The following STPG4 variants were observed in gnomAD, a reference collection of about 807,000 sequenced individuals.
STPG4 encodes protein STPG4.
A neutral mutation model predicts 31.5 loss-of-function variants in STPG4; 41 were observed. That is an observed-to-expected ratio of 1.30 (90% CI 1.01 to 1.69). The LOEUF (loss-of-function observed/expected upper bound fraction) is 1.69. Among genes scored for constraint, STPG4 ranks in the 40% most tolerant of loss-of-function variants. The probability of loss-of-function intolerance (pLI) is 0.00; values close to 1 mark genes in which losing one functional copy is unlikely to be tolerated. For synonymous variants in STPG4, 141 were observed against 103.0 expected (o/e 1.37, Z -2.24); for missense variants, 375 against 293.4 (o/e 1.28, Z -2.03).
chr2:47,106,242 A>G (rs1685907431), intron 5 of STPG4, among the ~76,000 whole-genome samples: 1 of 151,964 alleles, frequency 6.6e-6, no homozygotes, highest in African/African-American at 2.4e-5. Flanking sequence ...TATGTGGAAC[A>G]TTGACCTATA....
At chr2:47,120,345 AAAAC>A (rs1338980474) in intron 5 of STPG4, among the ~76,000 whole-genome samples, 3 of 152,154 alleles carry the variant, frequency 2.0e-5, no homozygotes, top group Admixed American at 6.5e-5. Flanking sequence ...ACAAAAACAA[AAAAC>A]AAACAAACTG....
chr2:47,154,026 C>T (rs530251101), intron 1 of STPG4, among the ~76,000 whole-genome samples: 1 of 152,174 alleles, frequency 6.6e-6, no homozygotes, highest in East Asian at 1.9e-4. Context: ...TGCTGTTTGT[C>T]CTAGATAAAA....
intron 5 of STPG4, among the ~76,000 whole-genome samples, chr2:47,099,656 C>T (rs112103714): frequency 2.6e-4 from 40 of 152,278 alleles, no homozygotes; most frequent in Admixed American, 3.9e-4. Flanking sequence ...TTCAGCCCAC[C>T]GCTGCACTGT....
chr2:47,100,575 C>A (rs540018629), intron 5 of STPG4, among the ~76,000 whole-genome samples: 4 of 150,620 alleles, frequency 2.7e-5, no homozygotes, highest in African/African-American at 9.8e-5. Flanking sequence ...GCAACCCACT[C>A]GAGTCCCCTT....
intron 5 of STPG4, among the ~76,000 whole-genome samples, chr2:47,097,357 G>A (rs1685694324): frequency 6.6e-6 from 1 of 152,114 alleles, no homozygotes; most frequent in South Asian, 2.1e-4. Context: ...AAGAATCTCT[G>A]TGCTCTGCTA....
chr2:47,099,783 G>T (rs1205773494), intron 5 of STPG4, among the ~76,000 whole-genome samples: 1 of 152,260 alleles, frequency 6.6e-6, no homozygotes, highest in Admixed American at 6.5e-5. Context: ...CGGGCCAGCT[G>T]GAGTTCCGGG....
At chr2:47,102,323 G>A (rs1421227899) in intron 5 of STPG4, among the ~76,000 whole-genome samples, 1 of 151,798 alleles carries the variant, frequency 6.6e-6, no homozygotes, top group Non-Finnish European at 1.5e-5. Context: ...GCATCAACAG[G>A]CCCACCCTTG....
At chr2:47,132,878 C>T (rs1472188816) in intron 3 of STPG4, among the ~76,000 whole-genome samples, 1 of 152,064 alleles carries the variant, frequency 6.6e-6, no homozygotes, top group Non-Finnish European at 1.5e-5. Flanking sequence ...CTGAGCAATC[C>T]ATGTAAGATT....
At chr2:47,116,145 A>G (rs764802151) in intron 5 of STPG4, among the ~76,000 whole-genome samples, 2 of 152,226 alleles carry the variant, frequency 1.3e-5, no homozygotes, top group Non-Finnish European at 2.9e-5. Flanking sequence ...CAAGGGGCCT[A>G]TGTCCAGTGG....
intron 3 of STPG4, among the ~76,000 whole-genome samples, chr2:47,149,799 A>G (rs1293611971): frequency 6.6e-6 from 1 of 152,232 alleles, no homozygotes; most frequent in African/African-American, 2.4e-5. Flanking sequence ...ACAAGTACCC[A>G]AAGTCCCAAG....
At chr2:47,111,916 A>C (rs776139893) in intron 5 of STPG4, among the ~76,000 whole-genome samples, 6 of 152,212 alleles carry the variant, frequency 3.9e-5, no homozygotes, top group African/African-American at 7.2e-5. Flanking sequence ...TTCTCCACCT[A>C]CACTGGGGGA....
rs1193577346 is a variant in STPG4 at position 47,151,268 on chromosome 2, T to C, written c.389A>G (p.Asp130Gly). 1 of 1,614,210 alleles carries C rather than the reference T, an allele frequency of 6.2e-7. No individual in the cohort carries two copies. Among genetic ancestry groups the C allele is most frequent in the South Asian group, 1.1e-5 (1 of 91,076 alleles). Residue 130 changes from aspartate (D) to glycine (G), a missense_variant, in exon 3 of 7, where the codon GAC (aspartate) becomes GGC (glycine). Transcript: ENST00000445927. ...CCAGTAGCGCTTTACCTGATCTTTG[T>C]CAACTAGTGTGCTGGGGCTTGGCCG... ...KPRPSPSTLV[D>G]KDQSLQLSPG...
chr2:47,119,203 C>A (rs1223287079), intron 5 of STPG4, among the ~76,000 whole-genome samples: 1 of 152,202 alleles, frequency 6.6e-6, no homozygotes, highest in Non-Finnish European at 1.5e-5. Context: ...TCTGGGAATG[C>A]ATGTTTAAGA....
chr2:47,101,149 A>G (rs1339084893), intron 5 of STPG4, among the ~76,000 whole-genome samples: 1 of 151,796 alleles, frequency 6.6e-6, no homozygotes, highest in Non-Finnish European at 1.5e-5. Flanking sequence ...TCAGGGGCTA[A>G]ATACCGGGCA....
intron 5 of STPG4, among the ~76,000 whole-genome samples, chr2:47,119,502 C>T (rs1229783165): frequency 1.3e-5 from 2 of 152,140 alleles, no homozygotes; most frequent in Admixed American, 6.5e-5. Flanking sequence ...TTGTTCTGTA[C>T]TAATAGTAAA....
intron 5 of STPG4, among the ~76,000 whole-genome samples, chr2:47,119,128 G>A (rs1032945651): frequency 2.0e-5 from 3 of 152,134 alleles, no homozygotes; most frequent in African/African-American, 7.2e-5. Context: ...CCACTGCTGG[G>A]ATCAAAAGAG....
At chr2:47,133,264 T>C (rs1686525094) in intron 3 of STPG4, among the ~76,000 whole-genome samples, 1 of 151,932 alleles carries the variant, frequency 6.6e-6, no homozygotes, top group Non-Finnish European at 1.5e-5. Context: ...CCTCCCAGGC[T>C]CAAGCGATCC....
intron 5 of STPG4, among the ~76,000 whole-genome samples, chr2:47,101,555 T>C (rs1057049638): frequency 6.6e-6 from 1 of 151,846 alleles, no homozygotes; most frequent in Non-Finnish European, 1.5e-5. Flanking sequence ...TCTCTGGTGC[T>C]TTTTTAGTTT....
chr2:47,101,667 C>G (rs1685803817), intron 5 of STPG4, among the ~76,000 whole-genome samples: 1 of 151,864 alleles, frequency 6.6e-6, no homozygotes, highest in Non-Finnish European at 1.5e-5. Flanking sequence ...CCCAAAGCCC[C>G]ATCATAGTGG....
Sources: gnomAD v4.1 joint callset for allele counts (sites outside exome capture counted in the v4.1 genomes callset) on GRCh38, gnomAD v4.1.1 for gene constraint, MANE v1.5 for transcripts, NCBI Gene and HGNC (gene_info 2026-07-23, HGNC 2026-07-21) for gene names.